LUZP2: variants seen among roughly 807,000 people sequenced by gnomAD.
The protein encoded by LUZP2 is leucine zipper protein 2.
In LUZP2, 52 loss-of-function variants were observed where a neutral mutation model predicts 51.6. The observed-to-expected ratio is 1.01, with a 90% CI of 0.81 to 1.27. The LOEUF (loss-of-function observed/expected upper bound fraction) is 1.27, where lower values mean the gene tolerates loss of function less well. Ranked by LOEUF, LUZP2 falls within the 50% of genes most tolerant of loss-of-function variation. LUZP2 has a pLI of 0.00. For missense variants in LUZP2, 436 were observed against 395.4 expected, an observed-to-expected ratio of 1.10 and a Z score of -0.87; for synonymous variants, 154 against 137.3, an observed-to-expected ratio of 1.12 and a Z score of -0.85.
chr11:24,599,612 G>T (rs1236112326), intron 1 of LUZP2, among the ~76,000 whole-genome samples: 1 of 152,052 alleles, frequency 6.6e-6, no homozygotes, highest in African/African-American at 2.4e-5. Flanking sequence ...ATGATCAATT[G>T]ACCTTACTCA....
At chr11:25,069,187 T>C (rs1377220771) in intron 10 of LUZP2, among the ~76,000 whole-genome samples, 2 of 151,908 alleles carry the variant, frequency 1.3e-5, no homozygotes, top group African/African-American at 4.8e-5. Flanking sequence ...AAATATTATA[T>C]AGTTAAATAA....
chr11:24,741,906 T>TAA (rs1859163655), intron 4 of LUZP2, among the ~76,000 whole-genome samples: 1 of 120,784 alleles, frequency 8.3e-6, no homozygotes, highest in Non-Finnish European at 1.6e-5. Context: ...TATATATTTC[T>TAA]ATATAATATA....
intron 1 of LUZP2, among the ~76,000 whole-genome samples, chr11:24,649,162 C>A (rs925500906): frequency 6.6e-6 from 1 of 151,876 alleles, no homozygotes; most frequent in Non-Finnish European, 1.5e-5. Context: ...ATTTTTTGGG[C>A]CTTACTCTCC....
At chr11:24,716,132 A>G (rs1185391658) in intron 1 of LUZP2, among the ~76,000 whole-genome samples, 2 of 152,194 alleles carry the variant, frequency 1.3e-5, no homozygotes, top group African/African-American at 2.4e-5. Flanking sequence ...AAATGAAGCT[A>G]TAGTTATGCT....
At chr11:24,997,890 T>A (rs1856555490) in intron 9 of LUZP2, among the ~76,000 whole-genome samples, 1 of 152,172 alleles carries the variant, frequency 6.6e-6, no homozygotes, top group Non-Finnish European at 1.5e-5. Flanking sequence ...CTTTCCCCAT[T>A]GCTTGTTTTT....
chr11:24,786,284 A>G, intron 5 of LUZP2: 1 of 974,298 alleles, frequency 1.0e-6, no homozygotes, highest in Non-Finnish European at 1.2e-6. Flanking sequence ...AAATACAGGA[A>G]CATAGAAAAT....
At chr11:24,873,421 T>C (rs972041) in intron 5 of LUZP2, among the ~76,000 whole-genome samples, 152,233 of 152,314 alleles carry the variant, frequency 1, 76,076 homozygotes, top group Non-Finnish European at 1. Flanking sequence ...CCTTTGGAGT[T>C]TGTGTGAATT....
rs150458536 is a variant in LUZP2 at position 24,729,233 on chromosome 11, C to T, written c.127C>T (p.Arg43Cys). 7.2e-5 allele frequency: 114 copies of T among 1,577,598 alleles called. No homozygotes were observed. Among genetic ancestry groups the T allele is most frequent in the Middle Eastern group, 1.7e-4 (1 of 5,922 alleles). Reference protein sequence around the residue: ...EVFKERSTILRQLTKTSRELD... With the variant: ...EVFKERSTILCQLTKTSRELD... ...CTTTAAGGAGCGAAGCACCATTCTT[C>T]GTCAGCTGACAAAGACATCAAGAGA... Residue 43 changes from arginine to cysteine, a missense_variant, in exon 2 of 12, where the codon CGT (arginine) becomes TGT (cysteine). Arg to Cys is a radical substitution (Grantham distance 180). Coordinates refer to ENST00000336930, the MANE Select transcript of LUZP2 (RefSeq NM_001009909.4).
At chr11:24,993,788 A>G (rs1176376650) in intron 9 of LUZP2, among the ~76,000 whole-genome samples, 1 of 151,558 alleles carries the variant, frequency 6.6e-6, no homozygotes, top group East Asian at 1.9e-4. Flanking sequence ...ACTTTATTGA[A>G]GATTTCATTT....
At chr11:24,952,547 C>T (rs903745878) in intron 7 of LUZP2, among the ~76,000 whole-genome samples, 1 of 151,662 alleles carries the variant, frequency 6.6e-6, no homozygotes, top group Non-Finnish European at 1.5e-5. Context: ...CTAGAGTGAA[C>T]CTCTTTAAAT....
At chr11:24,563,237 G>A (rs1299785565) in intron 1 of LUZP2, among the ~76,000 whole-genome samples, 2 of 152,106 alleles carry the variant, frequency 1.3e-5, no homozygotes, top group African/African-American at 2.4e-5. Flanking sequence ...AGAATGTATA[G>A]GGACCACCAA....
intron 1 of LUZP2, among the ~76,000 whole-genome samples, chr11:24,551,877 T>C (rs956607836): frequency 6.6e-6 from 1 of 151,958 alleles, no homozygotes; most frequent in East Asian, 1.9e-4. Flanking sequence ...ATTCTTAAAA[T>C]AGGAATCACA....
At chr11:24,721,855 A>G (rs1335357462) in intron 1 of LUZP2, among the ~76,000 whole-genome samples, 3 of 152,188 alleles carry the variant, frequency 2.0e-5, no homozygotes, top group African/African-American at 7.2e-5. Flanking sequence ...AAATAACAAA[A>G]TTTAAACTTT....
At chr11:24,743,437 C>CT in intron 4 of LUZP2, among the ~76,000 whole-genome samples, 1 of 151,444 alleles carries the variant, frequency 6.6e-6, no homozygotes, top group African/African-American at 2.4e-5. Context: ...AAGTATTTTA[C>CT]TTTTTTTGCA....
At chr11:24,917,472 A>G (rs1320134574) in intron 7 of LUZP2, among the ~76,000 whole-genome samples, 1 of 152,138 alleles carries the variant, frequency 6.6e-6, no homozygotes, top group Non-Finnish European at 1.5e-5. Context: ...TTTTAGGTCT[A>G]ACATGTAAGT....
At chr11:24,585,308 A>G (rs1164926258) in intron 1 of LUZP2, among the ~76,000 whole-genome samples, 1 of 152,208 alleles carries the variant, frequency 6.6e-6, no homozygotes, top group African/African-American at 2.4e-5. Flanking sequence ...TCAAGCATAC[A>G]TCCTATGAAA....
intron 5 of LUZP2, among the ~76,000 whole-genome samples, chr11:24,887,770 A>G (rs1314421662): frequency 6.6e-6 from 1 of 152,232 alleles, no homozygotes; most frequent in Non-Finnish European, 1.5e-5. Context: ...CATATTTAAA[A>G]GGGCAAATGT....
intron 1 of LUZP2, among the ~76,000 whole-genome samples, chr11:24,618,738 G>C (rs1190033061): frequency 6.6e-6 from 1 of 152,110 alleles, no homozygotes; most frequent in East Asian, 1.9e-4. Flanking sequence ...TCAGAGTTTT[G>C]TGTTTGTTTT....
chr11:24,534,066 A>G (rs1381075467), intron 1 of LUZP2, among the ~76,000 whole-genome samples: 1 of 151,292 alleles, frequency 6.6e-6, no homozygotes, highest in African/African-American at 2.4e-5. Context: ...GAAATGATAA[A>G]TAAATTGTTT....
Sources: gnomAD v4.1 joint callset for allele counts (sites outside exome capture counted in the v4.1 genomes callset) on GRCh38, gnomAD v4.1.1 for gene constraint, MANE v1.5 for transcripts, NCBI Gene and HGNC (gene_info 2026-07-23, HGNC 2026-07-21) for gene names.